ADGRD1: variants seen among roughly 807,000 people sequenced by gnomAD.
ADGRD1 encodes adhesion G protein-coupled receptor D1.
A neutral mutation model predicts 113.4 loss-of-function variants in ADGRD1; 77 were observed. The observed-to-expected ratio is 0.68, with a 90% CI of 0.57 to 0.82. The LOEUF (loss-of-function observed/expected upper bound fraction) is 0.82, where lower values mean the gene tolerates loss of function less well. ADGRD1 is among the 40% of genes least tolerant of loss of function. The probability of loss-of-function intolerance (pLI) is 0.00; values close to 1 mark genes in which losing one functional copy is unlikely to be tolerated. For missense variants in ADGRD1, 1,036 were observed against 1,139.1 expected (o/e 0.91, Z 1.30); for synonymous variants, 474 against 475.0 (o/e 1.00, Z 0.03).
chr12:131,052,328 C>T (rs1016992449), intron 13 of ADGRD1, among the ~76,000 whole-genome samples: 6 of 152,216 alleles, frequency 3.9e-5, no homozygotes, highest in Non-Finnish European at 8.8e-5. Flanking sequence ...CACCTGCTGG[C>T]TTCCTGCTGT....
chr12:130,970,845 G>A (rs1871534155), intron 3 of ADGRD1: 2 of 152,330 alleles, frequency 1.3e-5, no homozygotes, highest in African/African-American at 4.8e-5. Flanking sequence ...TATGCAAAAT[G>A]TTGCTCGGGG....
intron 13 of ADGRD1, among the ~76,000 whole-genome samples, chr12:131,018,531 C>G (rs1009485599): frequency 6.6e-6 from 1 of 152,016 alleles, no homozygotes; most frequent in African/African-American, 2.4e-5. Flanking sequence ...TCGTGCTGCC[C>G]CATCATTCAC....
intron 4 of ADGRD1, chr12:130,973,314 T>C (rs1871915965): frequency 6.6e-6 from 1 of 152,226 alleles, no homozygotes; most frequent in Non-Finnish European, 1.5e-5. Context: ...CTGCTTCCCT[T>C]TGAAAAGCCT....
At position 131,096,222 on chromosome 12, in the gene ADGRD1, T is replaced by C. The variant is rs1432475023; in HGVS notation, c.1672-8609T>C. On this transcript the variant is annotated intron_variant, in intron 15 of 24. Transcript: ENST00000261654. This position sits in a 1 kb window ranked among gnomAD's most constrained non-coding sequence, Gnocchi z 5.2. ...CCTTTAAACAAAGGGTAGTGAAGCA[T>C]AAAGACTGCACCCTTTATTTTTATT... Among the ~76,000 whole-genome samples, 1 of 152,218 alleles carries C rather than the reference T, an allele frequency of 6.6e-6. No individual in the cohort carries two copies. The highest frequency in any genetic ancestry group is 1.9e-4 in the East Asian group (1 of 5,196).
At position 131,113,933 on chromosome 12, in the gene ADGRD1, T is replaced by A. The variant is rs988938728; in HGVS notation, c.2042-4452T>A. On this transcript the variant is annotated intron_variant, in intron 18 of 24. Transcript: ENST00000261654. The surrounding 1 kb of genome is among the most constrained non-coding windows in gnomAD (Gnocchi z 4.9). Reference sequence around the variant, plus strand: ...GACTGATGGCCAACTATCTAGAGTTTATTATAGTTTCTTTATGGATACAGT... The same window carrying A: ...GACTGATGGCCAACTATCTAGAGTTAATTATAGTTTCTTTATGGATACAGT... 6.6e-6 allele frequency among the ~76,000 whole-genome samples: 1 copy of A among 152,226 alleles called. No individual in the cohort carries two copies. The highest frequency in any genetic ancestry group is 2.1e-4 in the South Asian group (1 of 4,832).
chr12:131,048,715 A>G (rs1450053731), intron 13 of ADGRD1, among the ~76,000 whole-genome samples: 1 of 152,198 alleles, frequency 6.6e-6, no homozygotes, highest in Non-Finnish European at 1.5e-5. Flanking sequence ...ACCAGTCTTC[A>G]TTTGTGGGCA....
At chr12:131,002,135 A>G (rs1876463429) in intron 9 of ADGRD1, among the ~76,000 whole-genome samples, 1 of 152,252 alleles carries the variant, frequency 6.6e-6, no homozygotes, top group South Asian at 2.1e-4. Context: ...GGGAACACCC[A>G]GAGGACAGCC....
At chr12:131,085,038 A>G (rs1886360388) in intron 15 of ADGRD1, among the ~76,000 whole-genome samples, 2 of 152,228 alleles carry the variant, frequency 1.3e-5, no homozygotes, top group Admixed American at 1.3e-4. Context: ...TGTAAACAAG[A>G]AAAACAACAC....
intron 8 of ADGRD1, chr12:130,994,361 T>C (rs1184107651): frequency 2.0e-5 from 7 of 345,610 alleles, no homozygotes; most frequent in South Asian, 1.5e-4. Context: ...CAGTTAGCAC[T>C]TAGTAAACAC....
chr12:131,056,271 GAGGAA>G (rs1249883489), intron 13 of ADGRD1, among the ~76,000 whole-genome samples: 2 of 152,230 alleles, frequency 1.3e-5, no homozygotes, highest in African/African-American at 4.8e-5. Flanking sequence ...TACAATCCAG[GAGGAA>G]AGTTTGCCGG....
At position 131,120,877 on chromosome 12, in the gene ADGRD1, C is replaced by G. The variant is rs1376600419; in HGVS notation, c.2139C>G (p.Ile713Met). 6.2e-7 allele frequency: 1 copy of G among 1,614,228 alleles called. No homozygotes were observed. Reference protein sequence around the residue: ...NCWLSLASGAIWAFVAPALFV... With the variant: ...NCWLSLASGAMWAFVAPALFV... The stretch of plus-strand genomic sequence containing the variant: ...GGCTGTCGTTGGCGAGTGGCGCCAT[C>G]TGGGCCTTTGTAGCCCCTGCCCTGT... The change falls in exon 20 of 25, where the codon ATC becomes ATG. Residue 713 changes from isoleucine to methionine, a missense_variant. Ile to Met is a conservative substitution (Grantham distance 10). Transcript: ENST00000261654.
intron 8 of ADGRD1, chr12:130,992,608 T>C (rs1874572037): frequency 2.2e-6 from 1 of 461,860 alleles, no homozygotes; most frequent in African/African-American, 2.0e-5. Flanking sequence ...CTTGAGTCTT[T>C]GCTGTGGTTT....
At chr12:131,006,132 G>C in intron 12 of ADGRD1, 85 bp downstream of exon 12, 1 of 1,115,372 alleles carries the variant, frequency 9.0e-7, no homozygotes, top group Non-Finnish European at 1.4e-6. Flanking sequence ...CGCCCCACAC[G>C]CACAACACTG....
intron 13 of ADGRD1, among the ~76,000 whole-genome samples, chr12:131,051,485 T>TG (rs1883382305): frequency 1.6e-4 from 1 of 6,336 alleles, no homozygotes; most frequent in African/African-American, 7.2e-4. Flanking sequence ...TTCTTTCTTT[T>TG]CTTTTTTTTT....
intron 19 of ADGRD1, among the ~76,000 whole-genome samples, chr12:131,119,854 T>C (rs1243823827): frequency 6.6e-6 from 1 of 152,176 alleles, no homozygotes; most frequent in Admixed American, 6.5e-5. Flanking sequence ...CTCTTGCAGG[T>C]GCTGTCTCTT....
chr12:131,078,509 T>C (rs1885824969), intron 14 of ADGRD1, among the ~76,000 whole-genome samples: 1 of 152,228 alleles, frequency 6.6e-6, no homozygotes, highest in South Asian at 2.1e-4. Flanking sequence ...GAAATAGTTA[T>C]TCCAATTCCG....
intron 8 of ADGRD1, among the ~76,000 whole-genome samples, chr12:130,996,859 C>A (rs1418296597): frequency 8.6e-6 from 1 of 115,892 alleles, no homozygotes; most frequent in Non-Finnish European, 1.8e-5. Context: ...CCCTCCCGGA[C>A]GGGGTGGCTG....
chr12:131,043,196 C>G (rs544348434), intron 13 of ADGRD1, among the ~76,000 whole-genome samples: 7 of 152,220 alleles, frequency 4.6e-5, no homozygotes, highest in Non-Finnish European at 8.8e-5. Context: ...CTGAGCATGC[C>G]GTGCATTTTC....
chr12:131,037,589 G>T (rs868740354), intron 13 of ADGRD1, among the ~76,000 whole-genome samples: 2 of 14,078 alleles, frequency 1.4e-4, no homozygotes, highest in Non-Finnish European at 1.4e-4. Flanking sequence ...GCATGGGGCC[G>T]CACTCACTGC....
Sources: gnomAD v4.1 joint callset for allele counts (sites outside exome capture counted in the v4.1 genomes callset) on GRCh38, gnomAD v4.1.1 for gene constraint, Gnocchi (gnomAD v3.1) non-coding constraint, MANE v1.5 for transcripts, NCBI Gene and HGNC (gene_info 2026-07-23, HGNC 2026-07-21) for gene names.